DCLRE1C: variants seen among roughly 807,000 people sequenced by gnomAD.
DCLRE1C encodes the protein protein artemis.
Under a neutral mutation model 61.4 loss-of-function variants are expected in DCLRE1C, and 47 were observed. The ratio of observed to expected loss-of-function variants is 0.77; its 90% confidence interval spans 0.61 to 0.98. The LOEUF is 0.98. DCLRE1C is among the 50% of genes least tolerant of loss of function. The probability of loss-of-function intolerance (pLI) is 0.00; values close to 1 mark genes in which losing one functional copy is unlikely to be tolerated. For missense variants in DCLRE1C, 858 were observed against 816.0 expected (o/e 1.05, Z -0.63); for synonymous variants, 337 against 287.6 (o/e 1.17, Z -1.74).
rs780648720 is a variant in DCLRE1C at position 14,908,874 on chromosome 10, G to T, written c.1613C>A (p.Ser538Tyr). The change falls in exon 14 of 14, where the codon TCC (serine) becomes TAC (tyrosine). Residue 538 changes from serine (S) to tyrosine (Y), a missense_variant. This residue lies in a region of DCLRE1C where 843 missense variants were observed against 783.5 expected (regional missense o/e 1.08). Coordinates refer to ENST00000378278, the MANE Select transcript of DCLRE1C (RefSeq NM_001033855.3). The stretch of plus-strand genomic sequence containing the variant: ...TTGTTCTGTTATGTGTGTTGACTGG[G>T]AAGAATTCTGGGAGGAGATGTGAGT... ...ESTHISSQNS[S>Y]QSTHITEQGS... 1 of 1,614,198 alleles carries T rather than the reference G, an allele frequency of 6.2e-7. No individual in the cohort carries two copies. The highest frequency in any genetic ancestry group is 1.1e-5 in the South Asian group (1 of 91,090).
At chr10:14,912,799 C>T (rs191050000) in intron 13 of DCLRE1C, among the ~76,000 whole-genome samples, 81 of 152,322 alleles carry the variant, frequency 5.3e-4, no homozygotes, top group East Asian at 4.8e-3. Flanking sequence ...ATTCTGCCTC[C>T]GCTGCCCTAA....
intron 13 of DCLRE1C, among the ~76,000 whole-genome samples, chr10:14,916,638 G>A (rs111628080): frequency 0.039 from 5,873 of 152,166 alleles, 193 homozygotes; most frequent in Non-Finnish European, 0.057. Flanking sequence ...CAACAATCAG[G>A]AATTGAAACT....
At position 14,918,406 on chromosome 10, in the gene DCLRE1C, A is replaced by G. The variant is rs140618576; in HGVS notation, c.1156+1332T>C. 3.9e-5 allele frequency among the ~76,000 whole-genome samples: 6 copies of G among 152,348 alleles called. No homozygotes were observed. The East Asian group carries it at 9.6e-4, about 24-fold the overall frequency. ...TATGATTCTATTTATATGAAATTCT[A>G]GAACATGCAAACTATAGTGACAGAA... is the stretch of plus-strand genomic sequence containing the variant. On this transcript the variant is annotated intron_variant, in intron 13 of 13. Transcript: ENST00000378278.
chr10:14,929,229 ACT>A (rs1838555147), intron 9 of DCLRE1C, among the ~76,000 whole-genome samples: 1 of 151,364 alleles, frequency 6.6e-6, no homozygotes, highest in South Asian at 2.1e-4. Context: ...ACATGGTGAA[ACT>A]CTGTCTCTAC....
At chr10:14,900,534 G>A (rs1181073939), downstream of DCLRE1C, among the ~76,000 whole-genome samples, 3 of 152,088 alleles carry the variant, frequency 2.0e-5, no homozygotes, top group South Asian at 2.1e-4. Flanking sequence ...TGATAAATTC[G>A]AGATACTCTC....
chr10:14,908,949 G>A lies in DCLRE1C; in HGVS notation c.1538C>T (p.Ala513Val). 1 of 1,614,190 alleles carries A rather than the reference G, an allele frequency of 6.2e-7. No individual in the cohort carries two copies. Among genetic ancestry groups the A allele is most frequent in the Non-Finnish European group, 8.5e-7 (1 of 1,180,030 alleles). Residue 513 changes from alanine (A) to valine (V), a missense_variant, in exon 14 of 14, where the codon GCA (alanine) becomes GTA (valine). Transcript: ENST00000378278. ...AAGCTTTGGTGACTGAGATCCCCCT[G>A]CCACTGTGGAGGAAGGGAAGTTTTC... is the stretch of plus-strand genomic sequence containing the variant. ...SLENFPSSTV[A>V]GGSQSPKLFS...
chr10:14,954,104 G>A, upstream of DCLRE1C: 2 of 1,591,140 alleles, frequency 1.3e-6, no homozygotes, highest in Non-Finnish European at 8.5e-7. Flanking sequence ...GCCGCGCGCT[G>A]CCTCGCCATT....
At chr10:14,900,989 G>A, downstream of DCLRE1C, 1 of 992,206 alleles carries the variant, frequency 1.0e-6, no homozygotes, top group Non-Finnish European at 1.5e-6. Flanking sequence ...AAATGTGCAT[G>A]CCTCAAAGAC....
intron 13 of DCLRE1C, 30 bp downstream of exon 13, chr10:14,919,708 C>G: frequency 6.4e-7 from 1 of 1,551,420 alleles, no homozygotes; most frequent in East Asian, 2.2e-5. Context: ...AGGGAGCCCA[C>G]CCCTCTGAAC....
Position 14,954,087 on chromosome 10 carries a change from C to A in DCLRE1C, c.-77G>T. 1.2e-6 allele frequency: 2 copies of A among 1,601,986 alleles called. 1 individual carries two copies. Among genetic ancestry groups the A allele is most frequent in the South Asian group, 2.2e-5 (2 of 90,580 alleles). On this transcript the variant is annotated 5_prime_UTR_variant, in exon 1 of 14. Coordinates refer to ENST00000378278, the MANE Select transcript of DCLRE1C (RefSeq NM_001033855.3). ...GCCAGCCCTGACCGCGCCGCCACTT[C>A]CGGGAAGCCGCGCGCTGCCTCGCCA...
chr10:14,929,462 T>G (rs1210579233), intron 9 of DCLRE1C, among the ~76,000 whole-genome samples: 1 of 143,118 alleles, frequency 7.0e-6, no homozygotes, highest in Non-Finnish European at 1.5e-5. Flanking sequence ...GGCAATATAG[T>G]GGGATTCCAT....
intron 2 of DCLRE1C, among the ~76,000 whole-genome samples, chr10:14,945,935 G>A (rs1564473457): frequency 6.7e-6 from 1 of 149,968 alleles, no homozygotes; most frequent in African/African-American, 2.5e-5. Context: ...TGGGATTACA[G>A]GCGAGAGCCA....
chr10:14,923,167 T>C, intron 11 of DCLRE1C, 98 bp from the exon 12 acceptor site: 3 of 930,662 alleles, frequency 3.2e-6, no homozygotes, highest in Non-Finnish European at 5.1e-6. Flanking sequence ...CAGAACTCTC[T>C]TATGGCTGTG....
At chr10:14,900,533 C>T (rs183511819), downstream of DCLRE1C, among the ~76,000 whole-genome samples, 15 of 152,170 alleles carry the variant, frequency 9.9e-5, no homozygotes, top group Admixed American at 3.3e-4. Flanking sequence ...ATGATAAATT[C>T]GAGATACTCT....
At chr10:14,917,511 G>C (rs1233308511) in intron 13 of DCLRE1C, among the ~76,000 whole-genome samples, 1 of 151,706 alleles carries the variant, frequency 6.6e-6, no homozygotes, top group East Asian at 1.9e-4. Flanking sequence ...AAAAAAACTT[G>C]TATCCAGAAA....
At position 14,908,616 on chromosome 10, in the gene DCLRE1C, A is replaced by G. The variant is rs200144709; in HGVS notation, c.1871T>C (p.Leu624Pro). The change falls in exon 14 of 14, where the codon CTA (leucine) becomes CCA (proline). Residue 624 changes from leucine to proline, a missense_variant. Leu to Pro is a moderately conservative substitution (Grantham distance 98). Around this residue, in one of 2 missense-constraint regions of DCLRE1C, gnomAD observed 843 missense variants for 783.5 expected, o/e 1.08. Transcript: ENST00000378278. ...CTCGGGTATATGTGTCTCACTGCTT[A>G]GAGTAGTTGGTTCTCCAGTACTAGG... ...IVPSTGEPTT[L>P]SSETHIPEEK... 1.2e-6 allele frequency: 2 copies of G among 1,614,178 alleles called. No homozygotes were observed. Among genetic ancestry groups the G allele is most frequent in the African/African-American group, 2.7e-5 (2 of 75,060 alleles).
chr10:14,935,451 G>A lies in DCLRE1C; in HGVS notation c.464+12C>T, dbSNP rs376809037. 1.4e-5 allele frequency: 23 copies of A among 1,612,238 alleles called. No homozygotes were observed. The highest frequency in any genetic ancestry group is 5.5e-5 in the South Asian group (5 of 91,002). On this transcript the variant is annotated intron_variant, in intron 6 of 13. Coordinates refer to ENST00000378278, the MANE Select transcript of DCLRE1C (RefSeq NM_001033855.3). Reference sequence around the variant, plus strand: ...AAATAAAATAAAATAAAACCTATACGAGGCCCAGTACCTGCCCCCGGAGTG... The same window carrying A: ...AAATAAAATAAAATAAAACCTATACAAGGCCCAGTACCTGCCCCCGGAGTG...
chr10:14,900,423 TA>T (rs1392408299), downstream of DCLRE1C, among the ~76,000 whole-genome samples: 1 of 152,218 alleles, frequency 6.6e-6, no homozygotes, highest in Non-Finnish European at 1.5e-5. Context: ...TAGACCATGT[TA>T]AACTTCTGAT....
intron 13 of DCLRE1C, chr10:14,899,531 C>T (rs1229507819): frequency 6.2e-7 from 1 of 1,610,930 alleles, no homozygotes; most frequent in South Asian, 1.1e-5. Context: ...ACAGTTTTTT[C>T]TGTTTAGGTA....
Sources: gnomAD v4.1 joint callset for allele counts (sites outside exome capture counted in the v4.1 genomes callset) on GRCh38, gnomAD v4.1.1 for gene constraint, gnomAD v4.1.1 regional missense constraint, MANE v1.5 for transcripts, NCBI Gene and HGNC (gene_info 2026-07-23, HGNC 2026-07-21) for gene names.